The following CAPN1 variants were observed in gnomAD, a reference collection of about 807,000 sequenced individuals.
CAPN1 encodes calpain 1.
A neutral mutation model predicts 105.2 loss-of-function variants in CAPN1; 77 were observed. The observed-to-expected ratio is 0.73, with a 90% CI of 0.61 to 0.88. CAPN1 has a LOEUF of 0.88. Among genes scored for constraint, CAPN1 ranks in the 40% least tolerant of loss-of-function variants. CAPN1 has a pLI of 0.00. For synonymous variants in CAPN1, 355 were observed against 388.8 expected (o/e 0.91, Z 1.02); for missense variants, 833 against 976.6 (o/e 0.85, Z 1.96).
Position 65,188,461 on chromosome 11 carries a change from G to T in CAPN1, c.977G>T (p.Arg326Leu). Residue 326 changes from arginine (R) to leucine (L), a missense_variant, in exon 9 of 22, where the codon CGG (arginine) becomes CTG (leucine). Arg to Leu is a moderately radical substitution (Grantham distance 102). Transcript: ENST00000279247. This position sits in a 1 kb window ranked among gnomAD's most constrained non-coding sequence, Gnocchi z 5.5. ...GACCCATATGAACGGGACCAGCTCC[G>T]GGTCAAGATGGAGGACGGGGAGTTC... ...NVDPYERDQL[R>L]VKMEDGEFWM... 1 of 1,613,134 alleles carries T rather than the reference G, an allele frequency of 6.2e-7. No homozygotes were observed.
intron 10 of CAPN1, among the ~76,000 whole-genome samples, chr11:65,197,496 T>C (rs116978528): frequency 0.017 from 2,607 of 152,288 alleles, 259 homozygotes; most frequent in Admixed American, 0.16. Flanking sequence ...TTTTAAAATA[T>C]ATCTTTTTAT....
At chr11:65,197,902 A>G (rs1948814860) in intron 10 of CAPN1, among the ~76,000 whole-genome samples, 1 of 151,484 alleles carries the variant, frequency 6.6e-6, no homozygotes, top group Admixed American at 6.6e-5. Context: ...AAAAAAAAAA[A>G]AAAAAAAGAC....
chr11:65,190,255 T>G (rs1948699593), intron 10 of CAPN1, among the ~76,000 whole-genome samples: 1 of 152,190 alleles, frequency 6.6e-6, no homozygotes, highest in African/African-American at 2.4e-5. Context: ...TTCTCACTTC[T>G]GCTTCATTGC....
intron 11 of CAPN1, 151 bp from the exon 12 acceptor site, chr11:65,205,559 C>G: frequency 1.4e-6 from 1 of 725,848 alleles, no homozygotes; most frequent in South Asian, 1.7e-5. Context: ...TGCTGTGGTG[C>G]AGGGACCAGA....
intron 10 of CAPN1, among the ~76,000 whole-genome samples, chr11:65,201,926 G>C (rs1174988040): frequency 3.3e-5 from 5 of 150,528 alleles, no homozygotes; most frequent in African/African-American, 1.2e-4. Flanking sequence ...GGGTTCAAGC[G>C]ATTTTCCTGC....
intron 10 of CAPN1, among the ~76,000 whole-genome samples, chr11:65,200,469 G>A (rs1459570348): frequency 1.3e-5 from 2 of 151,976 alleles, no homozygotes; most frequent in African/African-American, 4.8e-5. Flanking sequence ...TCAGCCTCCT[G>A]AGTAGCTGGG....
intron 4 of CAPN1, 173 bp from the exon 5 acceptor site, chr11:65,185,744 G>A (rs765195367): frequency 3.3e-6 from 2 of 614,960 alleles, no homozygotes; most frequent in Non-Finnish European, 5.5e-6. Flanking sequence ...CTATGTATCT[G>A]GTATACCTGA....
Position 65,209,310 on chromosome 11 carries a change from G to T in CAPN1, c.1730-13G>T, listed in dbSNP as rs1251596434. The T allele has an allele frequency of 1.2e-6, 2 of 1,612,418 alleles. No homozygotes were observed. Among genetic ancestry groups the T allele is most frequent in the South Asian group, 1.1e-5 (1 of 90,824 alleles). Reference sequence around the variant, plus strand: ...TCACTAGGTGGAGATGTTGGAATTGGTTTTTCTTGCAGACAAAGACCTGCG... The same window carrying T: ...TCACTAGGTGGAGATGTTGGAATTGTTTTTTCTTGCAGACAAAGACCTGCG... On this transcript the variant is annotated splice_polypyrimidine_tract_variant and intron_variant, in intron 16 of 21. Coordinates refer to ENST00000279247, the MANE Select transcript of CAPN1 (RefSeq NM_005186.4). The surrounding 1 kb of genome is among the most constrained non-coding windows in gnomAD (Gnocchi z 4.1).
At chr11:65,181,637 C>T (rs777599142), upstream of CAPN1, 1 of 385,558 alleles carries the variant, frequency 2.6e-6, no homozygotes. The surrounding 1 kb of genome is among the most constrained non-coding windows in gnomAD (Gnocchi z 4.6). Context: ...CCTCCCCCTC[C>T]GTTCCCCGCG....
Position 65,210,763 on chromosome 11 carries a change from G to T in CAPN1, c.2060-51G>T. ...AAGGGGGCCAGGCCTGGCCCTGCGTGAATATCCCACTGAGTTTTCAGCCCT... is the reference window on the plus strand; with the variant it reads ...AAGGGGGCCAGGCCTGGCCCTGCGTTAATATCCCACTGAGTTTTCAGCCCT... On this transcript the variant is annotated intron_variant, in intron 20 of 21. Coordinates refer to ENST00000279247, the MANE Select transcript of CAPN1 (RefSeq NM_005186.4). This position sits in a 1 kb window ranked among gnomAD's most constrained non-coding sequence, Gnocchi z 4.3. 6.8e-7 allele frequency: 1 copy of T among 1,477,974 alleles called. No individual in the cohort carries two copies. The highest frequency in any genetic ancestry group is 9.5e-7 in the Non-Finnish European group (1 of 1,056,298). The allele number at this position is 1,477,974 out of a possible 1,614,324, so 91.6% of individuals were successfully genotyped here.
At chr11:65,193,331 A>G (rs1948745718) in intron 10 of CAPN1, among the ~76,000 whole-genome samples, 1 of 151,868 alleles carries the variant, frequency 6.6e-6, no homozygotes, top group Non-Finnish European at 1.5e-5. Flanking sequence ...CTTTTTATGC[A>G]TGGGATTGCT....
chr11:65,182,371 C>T (rs17883654), intron 1 of CAPN1: 11 of 277,986 alleles, frequency 4.0e-5, no homozygotes, highest in African/African-American at 2.0e-4. Context: ...CCTGCTGTGT[C>T]CCACCTGCCC....
Position 65,182,683 on chromosome 11 carries a change from G to T in CAPN1, c.-1-18G>T. 1 of 1,525,178 alleles carries T rather than the reference G, an allele frequency of 6.6e-7. No homozygotes were observed. The highest frequency in any genetic ancestry group is 1.3e-5 in the South Asian group (1 of 77,614). 94.5% of individuals were successfully genotyped at this position (1,525,178 alleles called of 1,614,324 possible). A position where few individuals can be genotyped will look rare whatever the true frequency, so the allele number is the denominator to read the frequency against. On this transcript the variant is annotated intron_variant, in intron 1 of 21. Transcript: ENST00000279247. ...CTTGGGAAGGCCTGGGTTCTGAGCA[G>T]GCCCATCTGTCCGGCAGGATGTCGG...
At position 65,188,104 on chromosome 11, in the gene CAPN1, G is replaced by T. The variant is rs898297660; in HGVS notation, c.929+64G>T. Reference sequence around the variant, plus strand: ...AACTGTTAGGTGCCCCGACATTTCTGCTCGGGACTCTACCAGGCCAGGCTG... The same window carrying T: ...AACTGTTAGGTGCCCCGACATTTCTTCTCGGGACTCTACCAGGCCAGGCTG... On this transcript the variant is annotated intron_variant, in intron 8 of 21. Transcript: ENST00000279247. This position sits in a 1 kb window ranked among gnomAD's most constrained non-coding sequence, Gnocchi z 5.5. The T allele has an allele frequency of 2.0e-5, 23 of 1,156,386 alleles. No homozygotes were observed. The highest frequency in any genetic ancestry group is 2.8e-5 in the Non-Finnish European group (23 of 810,762). The allele number at this position is 1,156,386 out of a possible 1,614,324, so 71.6% of individuals were successfully genotyped here.
chr11:65,201,814 G>A (rs111348151), intron 10 of CAPN1, among the ~76,000 whole-genome samples: 6,623 of 140,814 alleles, frequency 0.047, 164 homozygotes, highest in Middle Eastern at 0.059. Flanking sequence ...CACCGCGCCC[G>A]GCTTTTGTTT....
intron 10 of CAPN1, among the ~76,000 whole-genome samples, chr11:65,202,165 G>A (rs1164261542): frequency 6.6e-6 from 1 of 152,060 alleles, no homozygotes; most frequent in Non-Finnish European, 1.5e-5. Flanking sequence ...TCCTGACGGG[G>A]GTTCCAGTTT....
Position 65,185,925 on chromosome 11 carries a change from A to G in CAPN1, c.465A>G (p.Gln155=). The change falls in exon 5 of 22, where the codon CAA becomes CAG. Residue 155 remains glutamine (Q), a synonymous_variant. Coordinates refer to ENST00000279247, the MANE Select transcript of CAPN1 (RefSeq NM_005186.4). The part of the protein sequence containing the change: ...YAGIFHFQLW[Q]FGEWVDVVVD... ...GTGCCCCTCCCCCACAGCTGTGGCA[A>G]TTTGGGGAGTGGGTGGACGTGGTCG... 1.3e-6 allele frequency: 2 copies of G among 1,583,374 alleles called. No individual in the cohort carries two copies. Among genetic ancestry groups the G allele is most frequent in the Non-Finnish European group, 1.7e-6 (2 of 1,164,744 alleles).
Position 65,210,966 on chromosome 11 carries a change from G to T in CAPN1, c.2118+94G>T. The T allele has an allele frequency of 1.7e-6, 2 of 1,186,418 alleles. No individual in the cohort carries two copies. The highest frequency in any genetic ancestry group is 2.5e-5 in the South Asian group (2 of 81,532). 73.5% of individuals were successfully genotyped at this position (1,186,418 alleles called of 1,614,324 possible). On this transcript the variant is annotated intron_variant, in intron 21 of 21. Transcript: ENST00000279247. This position sits in a 1 kb window ranked among gnomAD's most constrained non-coding sequence, Gnocchi z 4.3. ...GTTCCCTGTCCTTTCCTGGAAATGAGCCTGGGCCTCAGAGCCAACCCTGAA... is the reference window on the plus strand; with the variant it reads ...GTTCCCTGTCCTTTCCTGGAAATGATCCTGGGCCTCAGAGCCAACCCTGAA...
upstream of CAPN1, chr11:65,181,488 A>T (rs1031981018): frequency 1.1e-5 from 3 of 260,964 alleles, no homozygotes; most frequent in African/African-American, 7.1e-5. This position sits in a 1 kb window ranked among gnomAD's most constrained non-coding sequence, Gnocchi z 4.6. Context: ...GGAGCTGGGG[A>T]CCGGGCGGGC....
Sources: allele counts gnomAD v4.1 joint callset (sites outside exome capture counted in the v4.1 genomes callset), GRCh38; gene constraint gnomAD v4.1.1; non-coding constraint Gnocchi (gnomAD v3.1); transcripts MANE v1.5; gene names NCBI Gene and HGNC (gene_info 2026-07-23, HGNC 2026-07-21).